The following KCNN2 variants were observed in gnomAD, a reference collection of about 807,000 sequenced individuals.
KCNN2 encodes the protein potassium calcium-activated channel subfamily N member 2.
In KCNN2, 24 loss-of-function variants were observed where a neutral mutation model predicts 55.5. That is an observed-to-expected ratio of 0.43 (90% CI 0.31 to 0.61). The LOEUF is 0.61. Among genes scored for constraint, KCNN2 ranks in the 20% least tolerant of loss-of-function variants. The pLI, the probability that KCNN2 is intolerant of heterozygous loss-of-function variation, is 0.08. For synonymous variants in KCNN2, 431 were observed against 336.1 expected (o/e 1.28, Z -3.09); for missense variants, 754 against 853.6 (o/e 0.88, Z 1.45).
chr5:114,491,509 CTTTTTTTTTTT>C (rs11295961), intron 6 of KCNN2, among the ~76,000 whole-genome samples: 1 of 109,682 alleles, frequency 9.1e-6, no homozygotes, highest in African/African-American at 3.4e-5. Context: ...TCTGCTTTTT[CTTTTTTTTTTT>C]TTTTTAAAAA....
At chr5:114,328,482 G>A (rs1756751016) in intron 2 of KCNN2, among the ~76,000 whole-genome samples, 1 of 152,144 alleles carries the variant, frequency 6.6e-6, no homozygotes, top group South Asian at 2.1e-4. Flanking sequence ...GTGCAGGAAA[G>A]CTCATATTTC....
At chr5:114,272,109 G>C (rs769518319) in intron 2 of KCNN2, among the ~76,000 whole-genome samples, 1 of 152,088 alleles carries the variant, frequency 6.6e-6, no homozygotes, top group Non-Finnish European at 1.5e-5. Context: ...ACTATAGAAA[G>C]TGGAAAAACA....
intron 2 of KCNN2, among the ~76,000 whole-genome samples, chr5:114,248,183 G>T (rs1754783809): frequency 6.6e-6 from 1 of 152,126 alleles, no homozygotes; most frequent in Non-Finnish European, 1.5e-5. Flanking sequence ...CAGGAAAGAG[G>T]GAAGTGTATA....
intron 1 of KCNN2, among the ~76,000 whole-genome samples, chr5:114,132,009 T>G (rs756632568): frequency 3.3e-5 from 5 of 152,322 alleles, no homozygotes; most frequent in Middle Eastern, 3.4e-3. Flanking sequence ...TCTAAGTTCC[T>G]TGTAGATTCT....
chr5:114,198,070 A>G (rs1328198061), intron 1 of KCNN2, among the ~76,000 whole-genome samples: 2 of 151,874 alleles, frequency 1.3e-5, no homozygotes, highest in Non-Finnish European at 2.9e-5. Flanking sequence ...TCCTCCCCCC[A>G]CTTTTTAAGA....
At chr5:114,455,415 A>C (rs1438012911) in intron 3 of KCNN2, among the ~76,000 whole-genome samples, 1 of 152,190 alleles carries the variant, frequency 6.6e-6, no homozygotes. Flanking sequence ...TTAAATGATA[A>C]ATGTTGTGTG....
intron 5 of KCNN2, among the ~76,000 whole-genome samples, chr5:114,483,120 T>C (rs1435977454): frequency 6.6e-6 from 1 of 152,120 alleles, no homozygotes; most frequent in Non-Finnish European, 1.5e-5. Flanking sequence ...TTAAAAATAT[T>C]TTGTATCTTA....
chr5:114,391,863 G>C (rs1245736210), intron 2 of KCNN2, among the ~76,000 whole-genome samples: 1 of 152,104 alleles, frequency 6.6e-6, no homozygotes, highest in Admixed American at 6.6e-5. Context: ...ATCAGGGCTG[G>C]AATTACTGTG....
chr5:114,343,173 C>T (rs1373242214), intron 2 of KCNN2, among the ~76,000 whole-genome samples: 1 of 152,182 alleles, frequency 6.6e-6, no homozygotes, highest in African/African-American at 2.4e-5. Context: ...GTCAGGAAAT[C>T]AATCAGGATT....
At chr5:114,190,737 G>C (rs80312941) in intron 1 of KCNN2, among the ~76,000 whole-genome samples, 7,850 of 152,130 alleles carry the variant, frequency 0.052, 673 homozygotes, top group African/African-American at 0.18. Context: ...AAATATATCA[G>C]TATGTTATTT....
intron 1 of KCNN2, among the ~76,000 whole-genome samples, chr5:114,092,727 C>A (rs1427648999): frequency 2.6e-5 from 4 of 152,190 alleles, no homozygotes; most frequent in African/African-American, 9.7e-5. Flanking sequence ...GGCCCAACAC[C>A]ACTTGTAAGC....
At chr5:114,168,429 CA>C (rs1752963805) in intron 1 of KCNN2, among the ~76,000 whole-genome samples, 1 of 152,038 alleles carries the variant, frequency 6.6e-6, no homozygotes, top group African/African-American at 2.4e-5. Flanking sequence ...GCATTTCTTC[CA>C]ATGACTAAGC....
intron 1 of KCNN2, among the ~76,000 whole-genome samples, chr5:114,061,491 G>A (rs1401206723): frequency 1.3e-5 from 2 of 152,004 alleles, no homozygotes; most frequent in African/African-American, 2.4e-5. Context: ...CCTCTATAAC[G>A]AAGGCAAAAG....
chr5:114,220,537 GA>G (rs1179387594), intron 1 of KCNN2, among the ~76,000 whole-genome samples: 3 of 151,888 alleles, frequency 2.0e-5, no homozygotes, highest in African/African-American at 7.3e-5. Flanking sequence ...AAGGGATACA[GA>G]AATGTTTTTT....
chr5:114,405,742 G>A (rs947341485), intron 3 of KCNN2, among the ~76,000 whole-genome samples: 1 of 150,144 alleles, frequency 6.7e-6, no homozygotes, highest in African/African-American at 2.5e-5. Context: ...ACGGAGTCTC[G>A]CTCTGTCGCC....
chr5:114,216,921 A>G (rs1424519098), intron 1 of KCNN2, among the ~76,000 whole-genome samples: 2 of 152,174 alleles, frequency 1.3e-5, no homozygotes, highest in African/African-American at 4.8e-5. Context: ...AGGTTGCAGG[A>G]TACAAGGTAA....
At chr5:114,495,235 T>G (rs1748056460) in intron 7 of KCNN2, among the ~76,000 whole-genome samples, 1 of 152,222 alleles carries the variant, frequency 6.6e-6, no homozygotes, top group East Asian at 1.9e-4. Context: ...CAAGGTAGAC[T>G]GGTAACTTCA....
At chr5:114,254,660 T>C (rs780272030) in intron 2 of KCNN2, among the ~76,000 whole-genome samples, 18 of 152,216 alleles carry the variant, frequency 1.2e-4, no homozygotes, top group Non-Finnish European at 2.1e-4. Context: ...TGTGCTTTTC[T>C]GTATTTTAAT....
chr5:114,173,683 T>A (rs1345253322), intron 1 of KCNN2, among the ~76,000 whole-genome samples: 1 of 151,730 alleles, frequency 6.6e-6, no homozygotes, highest in Non-Finnish European at 1.5e-5. Context: ...GCGTTTTGTA[T>A]TTTTCATTGT....
Sources: gnomAD v4.1 joint callset for allele counts (sites outside exome capture counted in the v4.1 genomes callset) on GRCh38, gnomAD v4.1.1 for gene constraint, MANE v1.5 for transcripts, NCBI Gene and HGNC (gene_info 2026-07-23, HGNC 2026-07-21) for gene names.